Variants in LHFPL4 observed in about 807,000 individuals in gnomAD.
The protein encoded by LHFPL4 is LHFPL tetraspan subfamily member 4 protein.
A neutral mutation model predicts 20.0 loss-of-function variants in LHFPL4; 6 were observed. That is an observed-to-expected ratio of 0.30 (90% CI 0.16 to 0.59). The LOEUF is 0.59. Among genes scored for constraint, LHFPL4 ranks in the 20% least tolerant of loss-of-function variants. LHFPL4 has a pLI of 0.88. For missense variants in LHFPL4, 215 were observed against 331.2 expected, an observed-to-expected ratio of 0.65 and a Z score of 2.72; for synonymous variants, 129 against 143.8, an observed-to-expected ratio of 0.90 and a Z score of 0.74.
intron 2 of LHFPL4, among the ~76,000 whole-genome samples, chr3:9,510,081 C>T (rs1192445781): frequency 1.3e-5 from 2 of 152,188 alleles, no homozygotes; most frequent in Admixed American, 6.5e-5. Context: ...AACCAATGCA[C>T]TGTGGGATAC....
At chr3:9,502,436 T>C (rs573657880) in intron 3 of LHFPL4, 125 bp from the exon 4 acceptor site, 2 of 706,376 alleles carry the variant, frequency 2.8e-6, no homozygotes, top group East Asian at 2.7e-5. Flanking sequence ...GCGCGGTGGC[T>C]GACGCCTGTA....
intron 2 of LHFPL4, among the ~76,000 whole-genome samples, chr3:9,536,524 C>T (rs2046445676): frequency 6.6e-6 from 1 of 152,192 alleles, no homozygotes. Context: ...CTCTCCATCT[C>T]CACTGCTAGC....
chr3:9,542,129 T>C (rs1035412451), intron 2 of LHFPL4, among the ~76,000 whole-genome samples: 1 of 151,778 alleles, frequency 6.6e-6, no homozygotes, highest in African/African-American at 2.4e-5. Flanking sequence ...CTACTAAAAC[T>C]ACAAAAATTA....
intron 2 of LHFPL4, among the ~76,000 whole-genome samples, chr3:9,538,502 T>A (rs986775630): frequency 6.6e-6 from 1 of 152,170 alleles, no homozygotes; most frequent in Non-Finnish European, 1.5e-5. Flanking sequence ...AAATAATAAT[T>A]GCTAACGTTT....
intron 2 of LHFPL4, among the ~76,000 whole-genome samples, chr3:9,536,076 C>A (rs1042569611): frequency 6.6e-6 from 1 of 152,218 alleles, no homozygotes; most frequent in Non-Finnish European, 1.5e-5. Context: ...GGATTACAAG[C>A]GTGAGCCACC....
intron 3 of LHFPL4, among the ~76,000 whole-genome samples, chr3:9,502,641 T>A (rs2125654227): frequency 6.6e-6 from 1 of 151,114 alleles, no homozygotes; most frequent in Admixed American, 6.6e-5. Context: ...AGGCAGAGAT[T>A]GCAGTGAGCC....
At chr3:9,552,166 T>C in intron 2 of LHFPL4, 108 bp downstream of exon 2, 1 of 1,439,670 alleles carries the variant, frequency 6.9e-7, no homozygotes, top group Non-Finnish European at 9.3e-7. Context: ...GTGAGTGTCT[T>C]AACACAGAGA....
At chr3:9,532,970 AG>A (rs1435002553) in intron 2 of LHFPL4, among the ~76,000 whole-genome samples, 2 of 152,204 alleles carry the variant, frequency 1.3e-5, no homozygotes, top group Non-Finnish European at 2.9e-5. Context: ...GGGGCCCTGG[AG>A]GACAGTGCGG....
At chr3:9,541,782 A>T (rs773655513) in intron 2 of LHFPL4, among the ~76,000 whole-genome samples, 2 of 152,148 alleles carry the variant, frequency 1.3e-5, no homozygotes, top group Non-Finnish European at 2.9e-5. Context: ...AAAGAAAAAA[A>T]AAATGGATCA....
At chr3:9,509,012 C>T (rs1361192318) in intron 2 of LHFPL4, among the ~76,000 whole-genome samples, 1 of 152,224 alleles carries the variant, frequency 6.6e-6, no homozygotes, top group Admixed American at 6.5e-5. Context: ...TGGCTCCCGC[C>T]AGGAGCATCC....
chr3:9,526,507 A>T (rs2046376674), intron 2 of LHFPL4, among the ~76,000 whole-genome samples: 1 of 152,204 alleles, frequency 6.6e-6, no homozygotes, highest in Non-Finnish European at 1.5e-5. Flanking sequence ...CTGTGGTCTA[A>T]CATCCCTCAT....
chr3:9,522,658 G>A lies in LHFPL4; in HGVS notation c.407-16455C>T, dbSNP rs187631846. The stretch of plus-strand genomic sequence containing the variant: ...CGGGAGGCTGAGAGGCAGGAGAACC[G>A]CTTGAACCCAGGAGGTGGAGGCTGC... On this transcript the variant is annotated intron_variant, in intron 2 of 3. Coordinates refer to ENST00000287585, the MANE Select transcript of LHFPL4 (RefSeq NM_198560.3). Among the ~76,000 whole-genome samples, 923 of 151,710 alleles carry A rather than the reference G, an allele frequency of 6.1e-3. 11 individuals carry two copies. The highest frequency in any genetic ancestry group is 0.02 in the African/African-American group (832 of 41,392).
intron 2 of LHFPL4, among the ~76,000 whole-genome samples, chr3:9,509,384 C>A (rs1194951664): frequency 1.3e-5 from 2 of 152,016 alleles, no homozygotes; most frequent in Non-Finnish European, 2.9e-5. Flanking sequence ...TCTTTTCTCG[C>A]TTCTCTATAT....
intron 2 of LHFPL4, 137 bp downstream of exon 2, chr3:9,552,137 G>A (rs2046559092): frequency 8.8e-7 from 1 of 1,135,312 alleles, no homozygotes; most frequent in South Asian, 1.6e-5. Context: ...TACCCACTGA[G>A]GGTCCGTCAG....
At chr3:9,539,385 G>A (rs1169459381) in intron 2 of LHFPL4, among the ~76,000 whole-genome samples, 4 of 151,468 alleles carry the variant, frequency 2.6e-5, no homozygotes, top group African/African-American at 9.7e-5. Flanking sequence ...AACCCAGGAG[G>A]TGGAGCTTGC....
intron 3 of LHFPL4, among the ~76,000 whole-genome samples, chr3:9,505,720 A>G (rs943963429): frequency 2.0e-4 from 30 of 152,140 alleles, no homozygotes; most frequent in Admixed American, 1.8e-3. Flanking sequence ...CACCGTGCCC[A>G]GCCCAGTTTT....
chr3:9,520,637 C>T (rs534584047), intron 2 of LHFPL4, among the ~76,000 whole-genome samples: 7 of 152,202 alleles, frequency 4.6e-5, no homozygotes, highest in African/African-American at 1.7e-4. Context: ...AGCCACCCTG[C>T]CCGGCCTCTA....
chr3:9,500,130 C>G lies in LHFPL4; in HGVS notation c.*2081G>C, dbSNP rs114081939. Reference sequence around the variant, plus strand: ...CTCTCATCTCCCTGTCTCTGCACCCCTCTTCTCCTCACCCCAGTGTCTTCT... The same window carrying G: ...CTCTCATCTCCCTGTCTCTGCACCCGTCTTCTCCTCACCCCAGTGTCTTCT... On this transcript the variant is annotated 3_prime_UTR_variant, in exon 4 of 4. Transcript: ENST00000287585. 0.011 allele frequency: 1,740 copies of G among 153,326 alleles called. 31 individuals carry two copies. The highest frequency in any genetic ancestry group is 0.039 in the African/African-American group (1,615 of 41,510). 9.5% of individuals were successfully genotyped at this position (153,326 alleles called of 1,614,324 possible).
chr3:9,544,068 T>G (rs554596613), intron 2 of LHFPL4, among the ~76,000 whole-genome samples: 1 of 152,228 alleles, frequency 6.6e-6, no homozygotes, highest in South Asian at 2.1e-4. Flanking sequence ...ACTCTAATTA[T>G]GTAAAAACAC....
Sources: gnomAD v4.1 joint callset for allele counts (sites outside exome capture counted in the v4.1 genomes callset) on GRCh38, gnomAD v4.1.1 for gene constraint, MANE v1.5 for transcripts, NCBI Gene and HGNC (gene_info 2026-07-23, HGNC 2026-07-21) for gene names.